TIMP3: variants seen among roughly 807,000 people sequenced by gnomAD.
TIMP3 encodes the protein TIMP metallopeptidase inhibitor 3.
TIMP3 carries 11 observed loss-of-function variants against 30.0 expected under a neutral mutation model. That is an observed-to-expected ratio of 0.37 (90% CI 0.23 to 0.61). TIMP3 has a LOEUF of 0.61. TIMP3 is among the 20% of genes least tolerant of loss of function. The probability of loss-of-function intolerance (pLI) is 0.70; values close to 1 mark genes in which losing one functional copy is unlikely to be tolerated. For missense variants in TIMP3, 181 were observed against 276.8 expected (o/e 0.65, Z 2.45); for synonymous variants, 112 against 111.3 (o/e 1.01, Z -0.04).
At chr22:32,809,421 A>G (rs2046852690) in intron 1 of TIMP3, among the ~76,000 whole-genome samples, 1 of 151,660 alleles carries the variant, frequency 6.6e-6, no homozygotes, top group Admixed American at 6.6e-5. Flanking sequence ...GCTGCCCCCA[A>G]ATTTTATTAC....
chr22:32,807,646 G>A (rs137903530), intron 1 of TIMP3, among the ~76,000 whole-genome samples: 142 of 150,332 alleles, frequency 9.4e-4, no homozygotes, highest in Non-Finnish European at 1.6e-3. Context: ...CTCGTTTAAG[G>A]TTATACTGCT....
intron 1 of TIMP3, among the ~76,000 whole-genome samples, chr22:32,834,974 G>T (rs1042261219): frequency 6.6e-6 from 1 of 152,212 alleles, no homozygotes; most frequent in African/African-American, 2.4e-5. Flanking sequence ...CAGGGTCTTT[G>T]CAGTCCTCAG....
intron 1 of TIMP3, among the ~76,000 whole-genome samples, chr22:32,834,323 A>T (rs1033530161): frequency 2.2e-4 from 31 of 143,508 alleles, no homozygotes; most frequent in South Asian, 7.0e-4. Flanking sequence ...TGGCTAATTT[A>T]TTTTTTTTTT....
At chr22:32,844,470 G>A (rs2048004231) in intron 1 of TIMP3, among the ~76,000 whole-genome samples, 1 of 152,152 alleles carries the variant, frequency 6.6e-6, no homozygotes, top group Admixed American at 6.5e-5. Context: ...GCTTTTGTAA[G>A]CTCTTACTAG....
At chr22:32,821,577 A>T (rs2047247097) in intron 1 of TIMP3, among the ~76,000 whole-genome samples, 1 of 152,218 alleles carries the variant, frequency 6.6e-6, no homozygotes, top group South Asian at 2.1e-4. Context: ...CTGGTTCTGA[A>T]ATCACAGAAT....
Position 32,860,327 on chromosome 22 carries a change from G to C in TIMP3, c.*950G>C, listed in dbSNP as rs930539425. On this transcript the variant is annotated 3_prime_UTR_variant, in exon 5 of 5. Coordinates refer to ENST00000266085, the MANE Select transcript of TIMP3 (RefSeq NM_000362.5). ...AGATATAGCCAAGTAGATTTGGGTA[G>C]AGGATACTATTTCCAGAATAGTGTT... The C allele has an allele frequency of 1.3e-5, 2 of 152,624 alleles. No individual in the cohort carries two copies. Among genetic ancestry groups the C allele is most frequent in the Non-Finnish European group, 2.9e-5 (2 of 68,040 alleles). The allele number at this position is 152,624 out of a possible 1,614,324, so 9.5% of individuals were successfully genotyped here. A position where few individuals can be genotyped will look rare whatever the true frequency, so the allele number is the denominator to read the frequency against.
chr22:32,827,657 A>C (rs1172996311), intron 1 of TIMP3, among the ~76,000 whole-genome samples: 1 of 152,184 alleles, frequency 6.6e-6, no homozygotes, highest in Non-Finnish European at 1.5e-5. Context: ...GAACTTTAAA[A>C]AATGTCAGTC....
Position 32,849,472 on chromosome 22 carries a change from G to A in TIMP3, c.142G>A (p.Gly48Arg). The change falls in exon 2 of 5, where the codon GGG becomes AGG. Residue 48 changes from glycine (G) to arginine (R), a missense_variant. Transcript: ENST00000266085. ...TGCAGTGATCCGGGCCAAGGTGGTGGGGAAGAAGCTGGTAAAGGAGGGGCC... is the reference window on the plus strand; with the variant it reads ...TGCAGTGATCCGGGCCAAGGTGGTGAGGAAGAAGCTGGTAAAGGAGGGGCC... ...SDIVIRAKVV[G>R]KKLVKEGPFG... 10 of 1,613,790 alleles carry A rather than the reference G, an allele frequency of 6.2e-6. No homozygotes were observed. The highest frequency in any genetic ancestry group is 8.5e-6 in the Non-Finnish European group (10 of 1,179,896).
At chr22:32,814,351 G>GAAAGAAAGAGAGAA (rs1555970165) in intron 1 of TIMP3, among the ~76,000 whole-genome samples, 1,267 of 14,328 alleles carry the variant, frequency 0.088, 14 homozygotes, top group African/African-American at 0.17. Flanking sequence ...GAAAGAAAGA[G>GAAAGAAAGAGAGAA]AGAAAGAAAG....
intron 1 of TIMP3, among the ~76,000 whole-genome samples, chr22:32,840,376 G>C (rs2047859511): frequency 6.6e-6 from 1 of 152,120 alleles, no homozygotes; most frequent in Non-Finnish European, 1.5e-5. Flanking sequence ...TCAACGAAAA[G>C]GGCCTTTGAA....
At chr22:32,818,788 G>T (rs1464907251) in intron 1 of TIMP3, among the ~76,000 whole-genome samples, 1 of 152,192 alleles carries the variant, frequency 6.6e-6, no homozygotes, top group Non-Finnish European at 1.5e-5. Flanking sequence ...TGGAGAAGGG[G>T]AAGTGACTGG....
At chr22:32,805,142 T>G (rs2063240143) in intron 1 of TIMP3, among the ~76,000 whole-genome samples, 2 of 152,146 alleles carry the variant, frequency 1.3e-5, no homozygotes, top group African/African-American at 2.4e-5. Context: ...TCTCCTTCTC[T>G]CTTGCCGCCT....
intron 1 of TIMP3, among the ~76,000 whole-genome samples, chr22:32,814,355 A>AAGAAAGAG (rs1168422548): frequency 3.9e-4 from 59 of 150,962 alleles, no homozygotes; most frequent in African/African-American, 7.6e-4. Context: ...GAAAGAGAGA[A>AAGAAAGAG]AGAAAGAAAG....
chr22:32,810,557 G>T (rs899433408), intron 1 of TIMP3, among the ~76,000 whole-genome samples: 9 of 151,966 alleles, frequency 5.9e-5, no homozygotes, highest in African/African-American at 1.9e-4. Context: ...GAGAGGGGAA[G>T]TCCTGAGCTG....
At chr22:32,818,680 C>T (rs559342020) in intron 1 of TIMP3, among the ~76,000 whole-genome samples, 189 of 152,328 alleles carry the variant, frequency 1.2e-3, no homozygotes, top group Middle Eastern at 3.4e-3. Context: ...CCTGCTTGGC[C>T]TCCAGCTCTT....
chr22:32,857,831 C>T (rs991866883), intron 3 of TIMP3, among the ~76,000 whole-genome samples, 186 bp from the exon 4 acceptor site: 4 of 152,234 alleles, frequency 2.6e-5, no homozygotes, highest in South Asian at 2.1e-4. Flanking sequence ...GCCTCATTAT[C>T]CTCATCTGGA....
At chr22:32,821,190 C>A (rs998188316) in intron 1 of TIMP3, among the ~76,000 whole-genome samples, 1 of 152,206 alleles carries the variant, frequency 6.6e-6, no homozygotes, top group African/African-American at 2.4e-5. Context: ...CCTTTTACCA[C>A]TGGAGTTAGT....
At chr22:32,852,733 C>T (rs1469368727) in intron 2 of TIMP3, among the ~76,000 whole-genome samples, 2 of 140,944 alleles carry the variant, frequency 1.4e-5, no homozygotes, top group Admixed American at 1.4e-4. Flanking sequence ...CAGAGACCTG[C>T]GATATGTGTG....
chr22:32,855,384 G>T (rs2048336287), intron 2 of TIMP3, among the ~76,000 whole-genome samples: 1 of 152,180 alleles, frequency 6.6e-6, no homozygotes, highest in South Asian at 2.1e-4. Flanking sequence ...AATAGCATTT[G>T]CCTGCTTCTG....
Sources: gnomAD v4.1 joint callset for allele counts (sites outside exome capture counted in the v4.1 genomes callset) on GRCh38, gnomAD v4.1.1 for gene constraint, MANE v1.5 for transcripts, NCBI Gene and HGNC (gene_info 2026-07-23, HGNC 2026-07-21) for gene names.